MAP1A: variants seen among roughly 807,000 people sequenced by gnomAD.
The protein encoded by MAP1A is microtubule-associated protein 1A.
In MAP1A, 42 loss-of-function variants were observed where a neutral mutation model predicts 185.9. The observed-to-expected ratio is 0.23, with a 90% CI of 0.18 to 0.29. The LOEUF (loss-of-function observed/expected upper bound fraction) is 0.29. Ranked by LOEUF, MAP1A falls within the 10% of genes least tolerant of loss-of-function variation. The pLI is 1.00. For synonymous variants in MAP1A, 1,229 were observed against 1,335.9 expected, an observed-to-expected ratio of 0.92 and a Z score of 1.74; for missense variants, 2,995 against 3,450.4, an observed-to-expected ratio of 0.87 and a Z score of 3.31.
chr15:43,527,331 A>G lies in MAP1A; in HGVS notation c.5858A>G (p.Gln1953Arg). 6.2e-7 allele frequency: 1 copy of G among 1,614,188 alleles called. No individual in the cohort carries two copies. Among genetic ancestry groups the G allele is most frequent in the Non-Finnish European group, 8.5e-7 (1 of 1,180,018 alleles). The change falls in exon 4 of 6, where the codon CAG becomes CGG. Residue 1953 changes from glutamine (Q) to arginine (R), a missense_variant. Physicochemically the swap from Gln to Arg is conservative, Grantham distance 43. Around this residue, in one of 3 missense-constraint regions of MAP1A, gnomAD observed 2,728 missense variants for 2,986.0 expected, o/e 0.91. Transcript: ENST00000300231. Reference protein sequence around the residue: ...TTEPEQTEPEQREPTPYPDER... With the variant: ...TTEPEQTEPERREPTPYPDER... Reference sequence around the variant, plus strand: ...GAGCCTGAGCAGACTGAGCCGGAGCAGAGAGAGCCCACACCCTATCCTGAT... The same window carrying G: ...GAGCCTGAGCAGACTGAGCCGGAGCGGAGAGAGCCCACACCCTATCCTGAT...
rs1224758056 is a variant in MAP1A, at chr15:43,520,760, G to A, written c.-292+37G>A. ...GCCTGTGCCTTGCCAAACAGGCCTG[G>A]TGCAAGTGCTATACCCACCCTTGCC... On this transcript the variant is annotated intron_variant, in intron 2 of 5. Transcript: ENST00000300231. 2.4e-5 allele frequency: 35 copies of A among 1,487,332 alleles called. No individual in the cohort carries two copies. In the Admixed American group the frequency reaches 3.7e-4, roughly 16 times the overall value. 92.1% of individuals were successfully genotyped at this position (1,487,332 alleles called of 1,614,324 possible). A position where few individuals can be genotyped will look rare whatever the true frequency, so the allele number is the denominator to read the frequency against.
chr15:43,529,888 C>T lies in MAP1A; in HGVS notation c.8256+18C>T. 7 of 1,609,066 alleles carry T rather than the reference C, an allele frequency of 4.4e-6. No individual in the cohort carries two copies. The highest frequency in any genetic ancestry group is 5.1e-6 in the Non-Finnish European group (6 of 1,177,570). ...ATCTTCAGGTGAGTAGCAAAGGACA[C>T]CAAGGAAGTAGTCTGGTCAACGCTC... On this transcript the variant is annotated intron_variant, in intron 5 of 5. Coordinates refer to ENST00000300231, the MANE Select transcript of MAP1A (RefSeq NM_002373.6). The surrounding 1 kb of genome is among the most constrained non-coding windows in gnomAD (Gnocchi z 4.3).
chr15:43,528,042 C>T lies in MAP1A; in HGVS notation c.6569C>T (p.Pro2190Leu). The T allele has an allele frequency of 1.9e-6, 3 of 1,614,044 alleles. No individual in the cohort carries two copies. Among genetic ancestry groups the T allele is most frequent in the Non-Finnish European group, 2.5e-6 (3 of 1,180,024 alleles). ...TCTCCAGCTGAACCCCGCTCGGCACCCTGTGGCTCCCTTGCCTTCTCTGGG... is the reference window on the plus strand; with the variant it reads ...TCTCCAGCTGAACCCCGCTCGGCACTCTGTGGCTCCCTTGCCTTCTCTGGG... Reference protein sequence around the residue: ...LPSPAEPRSAPCGSLAFSGDR... With the variant: ...LPSPAEPRSALCGSLAFSGDR... The change falls in exon 4 of 6, where the codon CCC (proline) becomes CTC (leucine). Residue 2190 changes from proline to leucine, a missense_variant. Physicochemically the swap from Pro to Leu is moderately conservative, Grantham distance 98. This residue lies in a region of MAP1A where 2,728 missense variants were observed against 2,986.0 expected (regional missense o/e 0.91). Coordinates refer to ENST00000300231, the MANE Select transcript of MAP1A (RefSeq NM_002373.6).
Position 43,525,135 on chromosome 15 carries a change from G to A in MAP1A, c.3662G>A (p.Ser1221Asn), listed in dbSNP as rs1232525197. ...TCTTCTAAGCAGCTCTCTCCAGAAA[G>A]CCTTGGCACCCTCCAGTTTGGGGAA... The part of the protein sequence containing the change: ...DVSSKQLSPE[S>N]LGTLQFGELN... Residue 1221 changes from serine to asparagine, a missense_variant, in exon 4 of 6, where the codon AGC becomes AAC. Around this residue, in one of 3 missense-constraint regions of MAP1A, gnomAD observed 2,728 missense variants for 2,986.0 expected, o/e 0.91. Transcript: ENST00000300231. The A allele has an allele frequency of 1.2e-6, 2 of 1,614,094 alleles. No individual in the cohort carries two copies. Among genetic ancestry groups the A allele is most frequent in the African/African-American group, 2.7e-5 (2 of 74,930 alleles).
intron 1 of MAP1A, among the ~76,000 whole-genome samples, chr15:43,518,415 C>T (rs1171002161): frequency 6.6e-6 from 1 of 152,130 alleles, no homozygotes; most frequent in Non-Finnish European, 1.5e-5. Context: ...TTCCCAGTCT[C>T]AGCCCTACCC....
intron 1 of MAP1A, among the ~76,000 whole-genome samples, chr15:43,519,213 C>T (rs1244560957): frequency 6.6e-6 from 1 of 152,192 alleles, no homozygotes; most frequent in East Asian, 1.9e-4. Flanking sequence ...GGCTCTTGTC[C>T]TCTGAATTTA....
Position 43,524,963 on chromosome 15 carries a change from G to A in MAP1A, c.3490G>A (p.Ala1164Thr). Reference protein sequence around the residue: ...SVLSVPSPDTANQEPTPKSPC... With the variant: ...SVLSVPSPDTTNQEPTPKSPC... ...CCTCAGCGTGCCCTCCCCAGACACTGCCAACCAAGAGCCTACCCCCAAGTC... is the reference window on the plus strand; with the variant it reads ...CCTCAGCGTGCCCTCCCCAGACACTACCAACCAAGAGCCTACCCCCAAGTC... The change falls in exon 4 of 6, where the codon GCC becomes ACC. Residue 1164 changes from alanine to threonine, a missense_variant. This residue lies in a region of MAP1A where 2,728 missense variants were observed against 2,986.0 expected (regional missense o/e 0.91). Transcript: ENST00000300231. 6.2e-7 allele frequency: 1 copy of A among 1,614,082 alleles called. No individual in the cohort carries two copies. The highest frequency in any genetic ancestry group is 8.5e-7 in the Non-Finnish European group (1 of 1,180,006).
In MAP1A at chr15:43,523,659, C is replaced by T. The variant is rs780180327; in HGVS notation, c.2186C>T (p.Thr729Ile). The T allele has an allele frequency of 6.2e-7, 1 of 1,614,072 alleles. No homozygotes were observed. The highest frequency in any genetic ancestry group is 1.1e-5 in the South Asian group (1 of 91,066). The change falls in exon 4 of 6, where the codon ACT becomes ATT. Residue 729 changes from threonine (T) to isoleucine (I), a missense_variant. Coordinates refer to ENST00000300231, the MANE Select transcript of MAP1A (RefSeq NM_002373.6). ...LSSLTTPAGA[T>I]EHVSYIQDET... ...AGCCTGACCACACCTGCAGGAGCCACTGAGCATGTCTCTTACATCCAGGAT... is the reference window on the plus strand; with the variant it reads ...AGCCTGACCACACCTGCAGGAGCCATTGAGCATGTCTCTTACATCCAGGAT...
intron 1 of MAP1A, among the ~76,000 whole-genome samples, chr15:43,520,037 T>C (rs751210563): frequency 2.0e-5 from 3 of 152,230 alleles, no homozygotes; most frequent in Non-Finnish European, 2.9e-5. Flanking sequence ...AATGAAGTTA[T>C]AGTCCTATGT....
Position 43,522,625 on chromosome 15 carries a change from A to T in MAP1A, c.1152A>T (p.Ser384=), listed in dbSNP as rs1323161633. The T allele has an allele frequency of 1.2e-6, 2 of 1,613,070 alleles. No homozygotes were observed. The highest frequency in any genetic ancestry group is 2.2e-5 in the East Asian group (1 of 44,894). Residue 384 remains serine (S), a synonymous_variant, in exon 4 of 6, where the codon TCA becomes TCT. Coordinates refer to ENST00000300231, the MANE Select transcript of MAP1A (RefSeq NM_002373.6). The surrounding 1 kb of genome is among the most constrained non-coding windows in gnomAD (Gnocchi z 5.9). ...PAKPERVKTE[S]SEALKAEKRK... ...AGCCTGAGAGGGTGAAGACAGAGTC[A>T]AGTGAGGCACTGAAGGCAGAGAAGC... is the stretch of plus-strand genomic sequence containing the variant.
In MAP1A at chr15:43,523,977, G is replaced by C; in HGVS notation, c.2504G>C (p.Cys835Ser). Residue 835 changes from cysteine (C) to serine (S), a missense_variant, in exon 4 of 6, where the codon TGT becomes TCT. Coordinates refer to ENST00000300231, the MANE Select transcript of MAP1A (RefSeq NM_002373.6). ...TCCTCGGCCACTTCAATCACTGAGT[G>C]TGACAAACTTTCTTCCTTTGCCACA... The part of the protein sequence containing the change: ...HVSSATSITE[C>S]DKLSSFATSV... The C allele has an allele frequency of 6.2e-7, 1 of 1,614,130 alleles. No individual in the cohort carries two copies. The highest frequency in any genetic ancestry group is 8.5e-7 in the Non-Finnish European group (1 of 1,180,036).
Position 43,518,641 on chromosome 15 carries a change from C to T in MAP1A, c.-375+941C>T, listed in dbSNP as rs868690354. Among the ~76,000 whole-genome samples, 15 of 152,112 alleles carry T rather than the reference C, an allele frequency of 9.9e-5. 2 individuals carry two copies. The South Asian group carries it at 1.7e-3, about 17-fold the overall frequency. Reference sequence around the variant, plus strand: ...CAAACTGCAGCTGCCCAAACGGTCCCCCTCCCCTTCTGCCTCACTGCGGAG... The same window carrying T: ...CAAACTGCAGCTGCCCAAACGGTCCTCCTCCCCTTCTGCCTCACTGCGGAG... On this transcript the variant is annotated intron_variant, in intron 1 of 5. Coordinates refer to ENST00000300231, the MANE Select transcript of MAP1A (RefSeq NM_002373.6).
Position 43,527,415 on chromosome 15 carries a change from C to G in MAP1A, c.5942C>G (p.Pro1981Arg), listed in dbSNP as rs769012832. Residue 1981 changes from proline (P) to arginine (R), a missense_variant, in exon 4 of 6, where the codon CCT becomes CGT. Coordinates refer to ENST00000300231, the MANE Select transcript of MAP1A (RefSeq NM_002373.6). ...CAGATGATGCTTACTGGGCTTGGCC[C>G]TGCATGCCCCACTAGAGAGCCTCCA... ...YEQMMLTGLG[P>R]ACPTREPPLG... is the part of the protein sequence containing the mutation. 2.5e-6 allele frequency: 4 copies of G among 1,614,180 alleles called. No homozygotes were observed. The highest frequency in any genetic ancestry group is 1.7e-5 in the Admixed American group (1 of 60,034).
At chr15:43,511,084 G>A in exon 1 of MAP1A, 2 of 1,550,088 alleles carry the variant, frequency 1.3e-6, no homozygotes, top group Non-Finnish European at 1.7e-6. Flanking sequence ...CGCTGGCTCA[G>A]AACCCCGCGG....
chr15:43,521,438 C>A lies in MAP1A; in HGVS notation c.-36C>A. 1 of 1,614,174 alleles carries A rather than the reference C, an allele frequency of 6.2e-7. No homozygotes were observed. Among genetic ancestry groups the A allele is most frequent in the Non-Finnish European group, 8.5e-7 (1 of 1,180,026 alleles). ...ATTATCCAGTTCCCAAGAGACCCTG[C>A]ACCTCCGGCTAAACCCTGAGCCCAC... is the stretch of plus-strand genomic sequence containing the variant. On this transcript the variant is annotated 5_prime_UTR_variant, in exon 4 of 6. Coordinates refer to ENST00000300231, the MANE Select transcript of MAP1A (RefSeq NM_002373.6). This position sits in a 1 kb window ranked among gnomAD's most constrained non-coding sequence, Gnocchi z 4.6.
Position 43,527,621 on chromosome 15 carries a change from G to GGGCCAA in MAP1A, c.6150_6155dup (p.Pro2051_Ser2052insArgPro). On this transcript the variant is annotated inframe_insertion, in exon 4 of 6. Transcript: ENST00000300231. The stretch of plus-strand genomic sequence containing the variant: ...CACTGTACCCCCAAGGCCAGAGCCA[G>GGGCCAA]GGCCAAGTATGGAGCCCAGCCTCAC... 1 of 1,613,876 alleles carries GGGCCAA rather than the reference G, an allele frequency of 6.2e-7. No homozygotes were observed. Among genetic ancestry groups the GGGCCAA allele is most frequent in the South Asian group, 1.1e-5 (1 of 91,070 alleles).
At position 43,528,081 on chromosome 15, in the gene MAP1A, C is replaced by G; in HGVS notation, c.6608C>G (p.Ala2203Gly). The change falls in exon 4 of 6, where the codon GCT becomes GGT. Residue 2203 changes from alanine to glycine, a missense_variant. Ala to Gly is a moderately conservative substitution (Grantham distance 60, BLOSUM62 0). Transcript: ENST00000300231. ...GCCTTCTCTGGGGATCGAGCTCTGG[C>G]TCTGGCTCCAGGACCCCCCACCAGA... ...SLAFSGDRAL[A>G]LAPGPPTRTR... 1 of 1,614,056 alleles carries G rather than the reference C, an allele frequency of 6.2e-7. No homozygotes were observed. Among genetic ancestry groups the G allele is most frequent in the East Asian group, 2.2e-5 (1 of 44,874 alleles).
rs748059335 is a variant in MAP1A, at chr15:43,523,495, G to C, written c.2022G>C (p.Ala674=). Residue 674 remains alanine, a synonymous_variant, in exon 4 of 6, where the codon GCG becomes GCC. Transcript: ENST00000300231. The part of the protein sequence containing the change: ...VHPSDEEEED[A]TKAEGFYQKH... Reference sequence around the variant, plus strand: ...CTTCAGATGAGGAGGAAGAGGACGCGACAAAAGCTGAGGGTTTTTACCAAA... The same window carrying C: ...CTTCAGATGAGGAGGAAGAGGACGCCACAAAAGCTGAGGGTTTTTACCAAA... The C allele has an allele frequency of 6.2e-7, 1 of 1,613,898 alleles. No homozygotes were observed.
Position 43,522,672 on chromosome 15 carries a change from T to A in MAP1A, c.1199T>A (p.Val400Glu), listed in dbSNP as rs2079324074. The A allele has an allele frequency of 6.2e-7, 1 of 1,604,398 alleles. No homozygotes were observed. The highest frequency in any genetic ancestry group is 1.7e-5 in the Admixed American group (1 of 58,888). ...AAGCGAAAGCTGATCAAAGACAAGG[T>A]AGGGAAAAAGCACCTTAAAGAAAAG... is the stretch of plus-strand genomic sequence containing the variant. The part of the protein sequence containing the change: ...AEKRKLIKDK[V>E]GKKHLKEKIS... The change falls in exon 4 of 6, where the codon GTA (valine) becomes GAA (glutamate). Residue 400 changes from valine to glutamate, a missense_variant. By Grantham distance (121) the Val-to-Glu change is moderately radical. This residue lies in a region of MAP1A where 2,728 missense variants were observed against 2,986.0 expected (regional missense o/e 0.91). Coordinates refer to ENST00000300231, the MANE Select transcript of MAP1A (RefSeq NM_002373.6). The surrounding 1 kb of genome is among the most constrained non-coding windows in gnomAD (Gnocchi z 5.9).
Sources: allele counts gnomAD v4.1 joint callset (sites outside exome capture counted in the v4.1 genomes callset), GRCh38; gene constraint gnomAD v4.1.1; regional missense constraint gnomAD v4.1.1; non-coding constraint Gnocchi (gnomAD v3.1); transcripts MANE v1.5; gene names NCBI Gene and HGNC (gene_info 2026-07-23, HGNC 2026-07-21).